Variants in XPO4 observed in about 807,000 individuals in gnomAD.
The protein encoded by XPO4 is exportin 4.
A neutral mutation model predicts 143.0 loss-of-function variants in XPO4; 39 were observed. The ratio of observed to expected loss-of-function variants is 0.27; its 90% CI spans 0.21 to 0.36. The LOEUF is 0.36. Ranked by LOEUF, XPO4 falls within the 10% of genes least tolerant of loss-of-function variation. The pLI, the probability that XPO4 is intolerant of heterozygous loss-of-function variation, is 1.00. For synonymous variants in XPO4, 439 were observed against 474.0 expected (o/e 0.93, Z 0.96); for missense variants, 907 against 1,348.0 (o/e 0.67, Z 5.12).
At chr13:20,807,968 C>A (rs1346952589) in intron 12 of XPO4, among the ~76,000 whole-genome samples, 1 of 152,052 alleles carries the variant, frequency 6.6e-6, no homozygotes, top group African/African-American at 2.4e-5. Flanking sequence ...TTAGGGAATT[C>A]ATTTTCAAAA....
chr13:20,823,827 T>G (rs1484670462), intron 7 of XPO4, among the ~76,000 whole-genome samples: 1 of 152,188 alleles, frequency 6.6e-6, no homozygotes, highest in Admixed American at 6.5e-5. Flanking sequence ...AATTTTTGTA[T>G]TTTTAGTAGA....
intron 1 of XPO4, among the ~76,000 whole-genome samples, chr13:20,896,706 C>G (rs1438911568): frequency 6.6e-6 from 1 of 152,156 alleles, no homozygotes; most frequent in Non-Finnish European, 1.5e-5. Context: ...AATATCTGCA[C>G]TTATTCCCAT....
chr13:20,791,869 G>A (rs1319125423), intron 18 of XPO4, among the ~76,000 whole-genome samples: 1 of 152,168 alleles, frequency 6.6e-6, no homozygotes, highest in African/African-American at 2.4e-5. Context: ...TAAGCCTAAC[G>A]CTGAACTTCT....
At chr13:20,887,866 G>A (rs12867951) in intron 1 of XPO4, among the ~76,000 whole-genome samples, 63,787 of 147,550 alleles carry the variant, frequency 0.43, 14,121 homozygotes, top group Middle Eastern at 0.51. Context: ...CTCAAAAAAG[G>A]AAAGGAAAAG....
intron 1 of XPO4, chr13:20,902,235 C>A: frequency 4.1e-6 from 4 of 985,348 alleles, no homozygotes; most frequent in Non-Finnish European, 4.8e-6. Context: ...ACAAGGGTTG[C>A]TAACAGCACC....
chr13:20,812,423 C>T (rs545902579), intron 9 of XPO4, among the ~76,000 whole-genome samples: 1 of 152,192 alleles, frequency 6.6e-6, no homozygotes, highest in South Asian at 2.1e-4. Context: ...ATTTGCATCC[C>T]TACTTGACTA....
chr13:20,811,756 G>GGT (rs1169352695), intron 9 of XPO4, among the ~76,000 whole-genome samples: 2 of 152,078 alleles, frequency 1.3e-5, no homozygotes, highest in Non-Finnish European at 2.9e-5. Context: ...CAGTGGTGGG[G>GGT]GTGCACCTGG....
rs569652926 is a variant in XPO4, at chr13:20,897,233, G to A, written c.69+5437C>T. 4.8e-4 allele frequency among the ~76,000 whole-genome samples: 73 copies of A among 151,948 alleles called. 1 individual carries two copies. Among genetic ancestry groups the A allele is most frequent in the African/African-American group, 1.7e-3 (69 of 41,470 alleles). On this transcript the variant is annotated intron_variant, in intron 1 of 22. Transcript: ENST00000255305. ...TTTTCATTTTTATGACGTGTACTGTGGTTACAAAAAAATAAAGGCAGTGTA... is the reference window on the plus strand; with the variant it reads ...TTTTCATTTTTATGACGTGTACTGTAGTTACAAAAAAATAAAGGCAGTGTA...
chr13:20,819,311 T>C (rs1228149650), intron 9 of XPO4, among the ~76,000 whole-genome samples: 1 of 152,180 alleles, frequency 6.6e-6, no homozygotes, highest in East Asian at 1.9e-4. Context: ...TTTCATCCCA[T>C]GTTAACTCCC....
chr13:20,876,093 CAAAAAAAAA>C (rs11301411), intron 1 of XPO4, among the ~76,000 whole-genome samples: 9 of 90,740 alleles, frequency 9.9e-5, no homozygotes, highest in African/African-American at 3.2e-4. Context: ...CTACTAAATA[CAAAAAAAAA>C]AAAAAAAAAA....
chr13:20,899,567 C>A (rs543078080), intron 1 of XPO4, among the ~76,000 whole-genome samples: 1 of 152,076 alleles, frequency 6.6e-6, no homozygotes, highest in East Asian at 1.9e-4. Flanking sequence ...AAGCTCTAGA[C>A]CCTATTACTA....
chr13:20,821,665 G>A (rs1248757008), intron 9 of XPO4, 39 bp downstream of exon 9: 1 of 1,566,552 alleles, frequency 6.4e-7, no homozygotes, highest in Non-Finnish European at 8.7e-7. Flanking sequence ...AAATTTCCTT[G>A]TGAAAACTGA....
intron 1 of XPO4, among the ~76,000 whole-genome samples, chr13:20,870,104 A>AGAATTG (rs1555341417): frequency 6.7e-6 from 1 of 149,580 alleles, no homozygotes; most frequent in African/African-American, 2.5e-5. Context: ...AAAAAAAAAA[A>AGAATTG]AAAGAATTGT....
intron 1 of XPO4, among the ~76,000 whole-genome samples, chr13:20,890,262 C>A (rs1272327025): frequency 6.6e-6 from 1 of 151,666 alleles, no homozygotes; most frequent in Admixed American, 6.6e-5. Context: ...CCAGCCTGTG[C>A]AACACAGACA....
intron 9 of XPO4, among the ~76,000 whole-genome samples, chr13:20,819,794 T>G (rs1003283846): frequency 1.1e-4 from 17 of 152,358 alleles, no homozygotes; most frequent in Non-Finnish European, 2.1e-4. Context: ...CCAATTTGGT[T>G]TGGCTGGATT....
At chr13:20,881,770 A>T (rs2060412483) in intron 1 of XPO4, among the ~76,000 whole-genome samples, 1 of 152,176 alleles carries the variant, frequency 6.6e-6, no homozygotes, top group African/African-American at 2.4e-5. Context: ...AATATACATT[A>T]AAAACTCACT....
chr13:20,852,209 T>C, intron 4 of XPO4: 1 of 985,444 alleles, frequency 1.0e-6, no homozygotes, highest in Non-Finnish European at 1.2e-6. Flanking sequence ...ACTAGTAATG[T>C]TCCTCAAGTT....
intron 16 of XPO4, among the ~76,000 whole-genome samples, chr13:20,798,926 C>T (rs2059394305): frequency 6.6e-6 from 1 of 151,354 alleles, no homozygotes; most frequent in African/African-American, 2.4e-5. Context: ...GAGGCTGAGG[C>T]AGGAGAATCG....
At chr13:20,842,647 G>A (rs1249009553) in intron 6 of XPO4, among the ~76,000 whole-genome samples, 1 of 152,058 alleles carries the variant, frequency 6.6e-6, no homozygotes, top group Admixed American at 6.6e-5. Flanking sequence ...CAACAGCTCC[G>A]TCATCCACCA....
Sources: allele counts gnomAD v4.1 joint callset (sites outside exome capture counted in the v4.1 genomes callset), GRCh38; gene constraint gnomAD v4.1.1; transcripts MANE v1.5; gene names NCBI Gene and HGNC (gene_info 2026-07-23, HGNC 2026-07-21).